The following ABLIM1 variants were observed in gnomAD, a reference collection of about 807,000 sequenced individuals.
ABLIM1 encodes actin binding LIM protein 1.
ABLIM1 carries 40 observed loss-of-function variants against 107.0 expected under a neutral mutation model. The observed-to-expected ratio is 0.37, with a 90% confidence interval of 0.29 to 0.49. The LOEUF is 0.49. ABLIM1 is among the 20% of genes least tolerant of loss of function. The pLI, the probability that ABLIM1 is intolerant of heterozygous loss-of-function variation, is 0.97. For missense variants in ABLIM1, 857 were observed against 1,008.5 expected (o/e 0.85, Z 2.04); for synonymous variants, 357 against 357.3 (o/e 1.00, Z 0.01).
At position 114,487,971 on chromosome 10, in the gene ABLIM1, T is replaced by A; in HGVS notation, c.1028A>T (p.Glu343Val). 1 of 1,614,196 alleles carries A rather than the reference T, an allele frequency of 6.2e-7. No individual in the cohort carries two copies. The highest frequency in any genetic ancestry group is 8.5e-7 in the Non-Finnish European group (1 of 1,180,036). The part of the protein sequence containing the change: ...HPDCKQSTKT[E>V]EKLRPTRTSS... ...TTGTGTCCTTACCCGCAGCTTTTCC[T>A]CGGTCTTCGTAGATTGCTTACAGTC... Residue 343 changes from glutamate (E) to valine (V), a missense_variant, in exon 8 of 23, where the codon GAG (glutamate) becomes GTG (valine). This residue lies in a region of ABLIM1 where 381 missense variants were observed against 506.9 expected (regional missense o/e 0.75). Transcript: ENST00000533213.
chr10:114,458,123 TAATAC>T (rs1565342318), intron 12 of ABLIM1, among the ~76,000 whole-genome samples: 56 of 138,986 alleles, frequency 4.0e-4, no homozygotes, highest in African/African-American at 1.5e-3. Context: ...TGTGCGCACA[TAATAC>T]AATAGTACAT....
At chr10:114,767,282 T>A (rs2082918336) in intron 1 of ABLIM1, among the ~76,000 whole-genome samples, 1 of 152,212 alleles carries the variant, frequency 6.6e-6, no homozygotes. Flanking sequence ...GCAAATACAC[T>A]TTCTAAAAAT....
At chr10:114,800,741 A>G in the ABLIM1 span, among the ~76,000 whole-genome samples, 5 of 152,040 alleles carry the variant, frequency 3.3e-5, no homozygotes, top group African/African-American at 1.2e-4. Context: ...GTGAAGCCCC[A>G]TCTCTACTAA....
At chr10:114,639,076 TA>T (rs1373107991) in intron 1 of ABLIM1, among the ~76,000 whole-genome samples, 2 of 152,192 alleles carry the variant, frequency 1.3e-5, no homozygotes, top group Admixed American at 1.3e-4. Flanking sequence ...GGCCTTATAA[TA>T]AATTCTCCTA....
chr10:114,780,206 T>A, the ABLIM1 span, among the ~76,000 whole-genome samples: 1 of 152,104 alleles, frequency 6.6e-6, no homozygotes, highest in Non-Finnish European at 1.5e-5. Flanking sequence ...ATAAACAGTG[T>A]CCTTGAGAGC....
intron 1 of ABLIM1, among the ~76,000 whole-genome samples, chr10:114,719,822 C>T (rs1219231184): frequency 6.6e-6 from 1 of 152,158 alleles, no homozygotes; most frequent in Non-Finnish European, 1.5e-5. Flanking sequence ...ATCAAATATG[C>T]CTGCCTTTTC....
At chr10:114,668,488 C>G (rs1179612780) in intron 1 of ABLIM1, among the ~76,000 whole-genome samples, 2 of 152,056 alleles carry the variant, frequency 1.3e-5, no homozygotes, top group East Asian at 3.9e-4. Flanking sequence ...GGAAATCAAT[C>G]TTTCTTTCTT....
chr10:114,531,472 C>G (rs2065443907), intron 6 of ABLIM1, among the ~76,000 whole-genome samples: 1 of 152,210 alleles, frequency 6.6e-6, no homozygotes, highest in Non-Finnish European at 1.5e-5. Context: ...CGGGACTCAA[C>G]ATGTAAGCAA....
In ABLIM1 at chr10:114,436,337, C is replaced by T; in HGVS notation, c.2260G>A (p.Gly754Arg). ...CTGTCAAACTCCTGTATGGACATTC[C>T]AAAGATTTCCCGAAACACTTCAGGG... Reference protein sequence around the residue: ...LAPEVFREIFGMSIQEFDRLP... With the variant: ...LAPEVFREIFRMSIQEFDRLP... The change falls in exon 23 of 23, where the codon GGA (glycine) becomes AGA (arginine). Residue 754 changes from glycine to arginine, a missense_variant. Physicochemically the swap from Gly to Arg is moderately radical, Grantham distance 125. Coordinates refer to ENST00000533213, the MANE Select transcript of ABLIM1 (RefSeq NM_002313.7). The T allele has an allele frequency of 6.2e-7, 1 of 1,613,302 alleles. No homozygotes were observed. Among genetic ancestry groups the T allele is most frequent in the Non-Finnish European group, 8.5e-7 (1 of 1,179,788 alleles).
intron 1 of ABLIM1, among the ~76,000 whole-genome samples, chr10:114,655,714 G>A (rs2079471876): frequency 1.3e-5 from 2 of 152,302 alleles, no homozygotes; most frequent in East Asian, 3.9e-4. Context: ...AGTCTTCTTA[G>A]CAGAGCTTGT....
intron 2 of ABLIM1, chr10:114,601,597 A>C: frequency 1.6e-6 from 1 of 642,202 alleles, no homozygotes; most frequent in South Asian, 1.7e-5. Flanking sequence ...TTCTTCCAGG[A>C]GAAGGGGCCT....
chr10:114,518,356 G>T (rs2063220579), intron 6 of ABLIM1, among the ~76,000 whole-genome samples: 1 of 151,894 alleles, frequency 6.6e-6, no homozygotes, highest in Non-Finnish European at 1.5e-5. Context: ...AACTGAATAA[G>T]TACACTTCTT....
chr10:114,724,239 T>C (rs1232321611), intron 1 of ABLIM1, among the ~76,000 whole-genome samples: 1 of 152,320 alleles, frequency 6.6e-6, no homozygotes, highest in African/African-American at 2.4e-5. Flanking sequence ...TGCCACTTAC[T>C]AGGTGTTGGT....
chr10:114,543,155 C>A (rs2066904827), intron 6 of ABLIM1, among the ~76,000 whole-genome samples: 4 of 152,160 alleles, frequency 2.6e-5, no homozygotes, highest in Admixed American at 2.6e-4. Flanking sequence ...TAAAAAACAT[C>A]TGAGCTGAAA....
At chr10:114,613,714 C>T (rs2076961569) in intron 1 of ABLIM1, 1 of 1,318,766 alleles carries the variant, frequency 7.6e-7, no homozygotes, top group Non-Finnish European at 1.0e-6. Flanking sequence ...GACCTGTGTT[C>T]ACAGCATCCA....
intron 15 of ABLIM1, 46 bp downstream of exon 15, chr10:114,447,834 T>C (rs2061251404): frequency 6.3e-7 from 1 of 1,599,416 alleles, no homozygotes; most frequent in Admixed American, 1.7e-5. Context: ...CATCTTGAGC[T>C]CTCCTAGCAG....
In ABLIM1 at chr10:114,453,467, G is replaced by A. The variant is rs199995579; in HGVS notation, c.1458C>T (p.Ser486=). 138 of 1,599,804 alleles carry A rather than the reference G, an allele frequency of 8.6e-5. No individual in the cohort carries two copies. Among genetic ancestry groups the A allele is most frequent in the African/African-American group, 1.2e-4 (9 of 74,336 alleles). Residue 486 remains serine (S), a synonymous_variant, in exon 13 of 23, where the codon AGC becomes AGT. Coordinates refer to ENST00000533213, the MANE Select transcript of ABLIM1 (RefSeq NM_002313.7). Reference sequence around the variant, plus strand: ...GGTAAGGGAGAGGGGAGTTCCGGCCGCTGGACGGCTCATTGCCTCCAATGA... The same window carrying A: ...GGTAAGGGAGAGGGGAGTTCCGGCCACTGGACGGCTCATTGCCTCCAATGA... ...HFHRPGNEPS[S]GRNSPLPYRP...
chr10:114,482,954 A>G (rs1338740001), intron 8 of ABLIM1, among the ~76,000 whole-genome samples: 1 of 152,174 alleles, frequency 6.6e-6, no homozygotes, highest in African/African-American at 2.4e-5. Context: ...AAAAATAAGA[A>G]AAAAAAACTA....
intron 12 of ABLIM1, among the ~76,000 whole-genome samples, chr10:114,462,138 C>G (rs531626730): frequency 7.2e-5 from 11 of 152,108 alleles, no homozygotes; most frequent in South Asian, 2.1e-4. Flanking sequence ...ATTCAGTAAA[C>G]CAGAACAAGC....
Sources: allele counts gnomAD v4.1 joint callset (sites outside exome capture counted in the v4.1 genomes callset), GRCh38; gene constraint gnomAD v4.1.1; regional missense constraint gnomAD v4.1.1; transcripts MANE v1.5; gene names NCBI Gene and HGNC (gene_info 2026-07-23, HGNC 2026-07-21).